Variants in AP4S1 observed in about 807,000 individuals in gnomAD.
The protein encoded by AP4S1 is AP-4 complex subunit sigma-1.
In AP4S1, 23 loss-of-function variants were observed where a neutral mutation model predicts 19.8. The ratio of observed to expected loss-of-function variants is 1.16; its 90% CI spans 0.84 to 1.65. The LOEUF is 1.65. Among genes scored for constraint, AP4S1 ranks in the 40% most tolerant of loss-of-function variants. AP4S1 has a pLI of 0.00. For synonymous variants in AP4S1, 46 were observed against 54.1 expected, an observed-to-expected ratio of 0.85 and a Z score of 0.66; for missense variants, 166 against 172.8, an observed-to-expected ratio of 0.96 and a Z score of 0.22.
intron 1 of AP4S1, among the ~76,000 whole-genome samples, chr14:31,047,969 G>A (rs1370730073): frequency 2.6e-5 from 4 of 151,210 alleles, no homozygotes; most frequent in Admixed American, 2.6e-4. Flanking sequence ...TAGCTACCAC[G>A]CCCAGCCTTA....
chr14:31,045,529 C>T (rs777897593), intron 1 of AP4S1, among the ~76,000 whole-genome samples: 14 of 152,094 alleles, frequency 9.2e-5, no homozygotes, highest in South Asian at 4.1e-4. Context: ...CTTGCTTCCC[C>T]GTCGCCTTAT....
intron 1 of AP4S1, chr14:31,026,274 C>T (rs1371648918): frequency 1.8e-5 from 24 of 1,300,020 alleles, no homozygotes; most frequent in Non-Finnish European, 2.4e-5. Context: ...GGCTGCGGGG[C>T]GGAGGCCGGC....
At chr14:31,083,343 G>A in intron 5 of AP4S1, 1 of 404,666 alleles carries the variant, frequency 2.5e-6, no homozygotes, top group Non-Finnish European at 4.8e-6. Context: ...GGCAAATTAG[G>A]AATTTTACAT....
At chr14:31,067,208 CAAAA>C (rs55659438) in intron 2 of AP4S1, among the ~76,000 whole-genome samples, 2 of 140,592 alleles carry the variant, frequency 1.4e-5, no homozygotes, top group Non-Finnish European at 1.5e-5. Context: ...AACTCTGTCT[CAAAA>C]AAAAAAAAAA....
intron 1 of AP4S1, among the ~76,000 whole-genome samples, chr14:31,027,787 G>A (rs1254736407): frequency 6.6e-6 from 1 of 152,126 alleles, no homozygotes; most frequent in Admixed American, 6.5e-5. Flanking sequence ...GCACTAGTGT[G>A]TTTCTAAAAA....
In AP4S1 at chr14:31,092,915, T is replaced by G; in HGVS notation, c.315T>G (p.Phe105Leu). 1.3e-6 allele frequency: 2 copies of G among 1,526,684 alleles called. No homozygotes were observed. Among genetic ancestry groups the G allele is most frequent in the Non-Finnish European group, 1.8e-6 (2 of 1,135,400 alleles). 94.6% of individuals were successfully genotyped at this position (1,526,684 alleles called of 1,614,324 possible). A position where few individuals can be genotyped will look rare whatever the true frequency, so the allele number is the denominator to read the frequency against. The change falls in exon 6 of 6, where the codon TTT becomes TTG. Residue 105 changes from phenylalanine (F) to leucine (L), a missense_variant. Coordinates refer to ENST00000542754, the MANE Select transcript of AP4S1 (RefSeq NM_001128126.3). The stretch of plus-strand genomic sequence containing the variant: ...CCTTAATATAACCGTAGATAATGTT[T>G]AATTTGGATAAAGTACACATCATTT... Reference protein sequence around the residue: ...FSRVSELDIMFNLDKVHIILD... With the variant: ...FSRVSELDIMLNLDKVHIILD...
chr14:31,084,971 A>C, intron 5 of AP4S1: 1 of 1,589,132 alleles, frequency 6.3e-7, no homozygotes, highest in Non-Finnish European at 8.6e-7. Flanking sequence ...CTACGCGTGA[A>C]GGTACAGAAA....
At chr14:31,073,174 A>G (rs1887109085) in intron 4 of AP4S1, 4 of 571,946 alleles carry the variant, frequency 7.0e-6, no homozygotes, top group Non-Finnish European at 1.2e-5. Context: ...TGAGATCTTT[A>G]TAAAGAACTG....
chr14:31,028,598 C>T (rs958200776), intron 1 of AP4S1, among the ~76,000 whole-genome samples: 23 of 148,134 alleles, frequency 1.6e-4, no homozygotes, highest in South Asian at 4.2e-4. Flanking sequence ...CACACACATA[C>T]ACACACACAC....
At position 31,093,176 on chromosome 14, in the gene AP4S1, T is replaced by C. The variant is rs574069118; in HGVS notation, c.*141T>C. ...TTCCAAAGACATTATAAATAGGCATTTTCCACAGTTCCTAAAAAGAAAACA... is the reference window on the plus strand; with the variant it reads ...TTCCAAAGACATTATAAATAGGCATCTTCCACAGTTCCTAAAAAGAAAACA... On this transcript the variant is annotated 3_prime_UTR_variant, in exon 6 of 6. Transcript: ENST00000542754. The C allele has an allele frequency of 8.7e-4, 683 of 783,768 alleles. 1 individual carries two copies. The highest frequency in any genetic ancestry group is 1.6e-3 in the Middle Eastern group (4 of 2,536). The allele number at this position is 783,768 out of a possible 1,614,324, so 48.6% of individuals were successfully genotyped here.
chr14:31,039,584 T>TG (rs1884983657), intron 1 of AP4S1, among the ~76,000 whole-genome samples: 1 of 150,672 alleles, frequency 6.6e-6, no homozygotes. Flanking sequence ...TTTTTTTTTT[T>TG]TTTTTTGAGA....
At chr14:31,079,836 C>T (rs1887546488) in intron 4 of AP4S1, among the ~76,000 whole-genome samples, 1 of 151,944 alleles carries the variant, frequency 6.6e-6, no homozygotes, top group South Asian at 2.1e-4. Context: ...TAAATACTTT[C>T]TTGAAATAAA....
intron 4 of AP4S1, among the ~76,000 whole-genome samples, chr14:31,077,405 C>T (rs1357305800): frequency 6.6e-6 from 1 of 152,206 alleles, no homozygotes; most frequent in Non-Finnish European, 1.5e-5. Flanking sequence ...GAAGTTAGGT[C>T]TTCAGCCCAC....
chr14:31,033,829 C>T (rs1460258540), intron 1 of AP4S1, among the ~76,000 whole-genome samples: 1 of 152,142 alleles, frequency 6.6e-6, no homozygotes, highest in East Asian at 1.9e-4. Flanking sequence ...CTTTAGGAAA[C>T]TCAGCATGCT....
intron 1 of AP4S1, among the ~76,000 whole-genome samples, chr14:31,032,152 C>T (rs534574653): frequency 1.3e-4 from 19 of 151,714 alleles, no homozygotes; most frequent in East Asian, 3.9e-4. Context: ...GAGGCCAAAG[C>T]GGGCAGATCA....
intron 5 of AP4S1, among the ~76,000 whole-genome samples, chr14:31,090,868 G>A (rs1888058921): frequency 6.6e-6 from 1 of 152,208 alleles, no homozygotes; most frequent in African/African-American, 2.4e-5. Context: ...TTGGTCTGTA[G>A]TTTCCCCATA....
In AP4S1 at chr14:31,093,202, C is replaced by A. The variant is rs2139130943; in HGVS notation, c.*167C>A. The A allele has an allele frequency of 1.6e-6, 1 of 609,898 alleles. No homozygotes were observed. The highest frequency in any genetic ancestry group is 2.6e-6 in the Non-Finnish European group (1 of 389,304). The allele number at this position is 609,898 out of a possible 1,614,324, so 37.8% of individuals were successfully genotyped here. A position where few individuals can be genotyped will look rare whatever the true frequency, so the allele number is the denominator to read the frequency against. On this transcript the variant is annotated 3_prime_UTR_variant, in exon 6 of 6. Coordinates refer to ENST00000542754, the MANE Select transcript of AP4S1 (RefSeq NM_001128126.3). ...TTCCACAGTTCCTAAAAAGAAAACA[C>A]AACTGTACTTTAAAATATGTACAAA...
At chr14:31,081,214 C>T (rs1311826311) in intron 5 of AP4S1, among the ~76,000 whole-genome samples, 1 of 151,964 alleles carries the variant, frequency 6.6e-6, no homozygotes, top group African/African-American at 2.4e-5. Flanking sequence ...ATTTAAATAA[C>T]ACAGCCAAAA....
intron 1 of AP4S1, among the ~76,000 whole-genome samples, chr14:31,033,710 TG>T (rs1884550545): frequency 6.6e-6 from 1 of 152,216 alleles, no homozygotes; most frequent in African/African-American, 2.4e-5. Context: ...TGATTGACTT[TG>T]GCTAAGAAAA....
Sources: allele counts gnomAD v4.1 joint callset (sites outside exome capture counted in the v4.1 genomes callset), GRCh38; gene constraint gnomAD v4.1.1; transcripts MANE v1.5; gene names NCBI Gene and HGNC (gene_info 2026-07-23, HGNC 2026-07-21).